HEMK2: variants seen among roughly 807,000 people sequenced by gnomAD.
The protein encoded by HEMK2 is methyltransferase HEMK2.
chr21:28,808,375 T>A, the HEMK2 span, among the ~76,000 whole-genome samples: 136 of 150,670 alleles, frequency 9.0e-4, 1 homozygote, highest in Non-Finnish European at 1.4e-3. Context: ...TGCATTTCCA[T>A]ATATTTTTTA....
the HEMK2 span, among the ~76,000 whole-genome samples, chr21:28,691,072 G>T: frequency 6.6e-6 from 1 of 152,128 alleles, no homozygotes; most frequent in Non-Finnish European, 1.5e-5. Context: ...GGCACAGAAG[G>T]TCTGATTTTC....
chr21:28,691,026 G>T, the HEMK2 span, among the ~76,000 whole-genome samples: 1 of 152,122 alleles, frequency 6.6e-6, no homozygotes. Context: ...CCTTTGTCAA[G>T]GTTATAGGTG....
At chr21:28,641,373 G>T in the HEMK2 span, among the ~76,000 whole-genome samples, 4 of 152,184 alleles carry the variant, frequency 2.6e-5, no homozygotes, top group Non-Finnish European at 5.9e-5. Context: ...TGGTGACAAT[G>T]AACTTGCAGT....
chr21:28,635,415 T>C, the HEMK2 span, among the ~76,000 whole-genome samples: 2 of 152,144 alleles, frequency 1.3e-5, no homozygotes, highest in African/African-American at 4.8e-5. Context: ...CAAGTCTTCC[T>C]CATGAGATTT....
the HEMK2 span, among the ~76,000 whole-genome samples, chr21:28,673,000 G>GAGAAAGAAAGAA: frequency 6.9e-5 from 10 of 145,416 alleles, no homozygotes; most frequent in East Asian, 2.0e-4. Context: ...GAAAAAGAAA[G>GAGAAAGAAAGAA]AGAAAGAAAG....
At chr21:28,815,287 G>A in the HEMK2 span, among the ~76,000 whole-genome samples, 4 of 151,092 alleles carry the variant, frequency 2.6e-5, no homozygotes, top group East Asian at 2.0e-4. Context: ...GCTAAATGAC[G>A]AGTTAATGGG....
At chr21:28,800,075 C>T in the HEMK2 span, among the ~76,000 whole-genome samples, 2 of 152,198 alleles carry the variant, frequency 1.3e-5, no homozygotes, top group East Asian at 1.9e-4. Flanking sequence ...TATGTGCAAT[C>T]GTGCTTTCCA....
At chr21:28,667,589 T>G in the HEMK2 span, among the ~76,000 whole-genome samples, 2 of 145,026 alleles carry the variant, frequency 1.4e-5, no homozygotes, top group African/African-American at 5.2e-5. Context: ...CATTGCATCA[T>G]TGCATGCCTC....
chr21:28,789,045 T>G, the HEMK2 span, among the ~76,000 whole-genome samples: 1 of 152,008 alleles, frequency 6.6e-6, no homozygotes, highest in Admixed American at 6.6e-5. Flanking sequence ...GGGAACAAAC[T>G]CTGCTGACTC....
At chr21:28,742,317 T>C in the HEMK2 span, among the ~76,000 whole-genome samples, 2 of 152,222 alleles carry the variant, frequency 1.3e-5, no homozygotes, top group Non-Finnish European at 2.9e-5. Context: ...CAGAGCACCA[T>C]TTGTGCCTCG....
chr21:28,739,931 GAAGA>G, the HEMK2 span, among the ~76,000 whole-genome samples: 4 of 152,162 alleles, frequency 2.6e-5, no homozygotes, highest in Non-Finnish European at 5.9e-5. Context: ...TGGAGCATGA[GAAGA>G]AAGGTCTACT....
At chr21:28,685,758 A>C in the HEMK2 span, among the ~76,000 whole-genome samples, 412 of 152,332 alleles carry the variant, frequency 2.7e-3, 2 homozygotes, top group African/African-American at 9.2e-3. Context: ...TGTTGTTTTA[A>C]AGGGAGAATG....
chr21:28,806,241 A>G, the HEMK2 span, among the ~76,000 whole-genome samples: 1 of 152,212 alleles, frequency 6.6e-6, no homozygotes, highest in Admixed American at 6.5e-5. Flanking sequence ...CACGACAGAT[A>G]ATTATGGAAT....
At chr21:28,775,106 T>C in the HEMK2 span, among the ~76,000 whole-genome samples, 11 of 152,338 alleles carry the variant, frequency 7.2e-5, no homozygotes, top group East Asian at 7.7e-4. Context: ...TTTTGCATAC[T>C]TGAAGAAATG....
At chr21:28,620,660 C>CCTTTTTTTTTTTTTTTT in the HEMK2 span, among the ~76,000 whole-genome samples, 1 of 49,642 alleles carries the variant, frequency 2.0e-5, no homozygotes, top group African/African-American at 9.5e-5. Flanking sequence ...TCTCTCTTTT[C>CCTTTTTTTTTTTTTTTT]TTTTTTTTTT....
At chr21:28,800,737 C>T in the HEMK2 span, among the ~76,000 whole-genome samples, 4 of 152,070 alleles carry the variant, frequency 2.6e-5, no homozygotes, top group African/African-American at 9.7e-5. Context: ...TGTTTTTCAA[C>T]ATATAGAGAA....
the HEMK2 span, among the ~76,000 whole-genome samples, chr21:28,619,927 G>A: frequency 6.6e-6 from 1 of 152,184 alleles, no homozygotes; most frequent in Admixed American, 6.5e-5. Context: ...TCTAATGCCA[G>A]GAGATTTTGG....
the HEMK2 span, among the ~76,000 whole-genome samples, chr21:28,783,331 CCCA>C: frequency 2.6e-5 from 4 of 151,936 alleles, no homozygotes; most frequent in Admixed American, 2.6e-4. Context: ...ATTACAGGCA[CCCA>C]CCACCACACC....
the HEMK2 span, among the ~76,000 whole-genome samples, chr21:28,859,540 C>G: frequency 3.3e-5 from 5 of 152,204 alleles, no homozygotes; most frequent in Admixed American, 1.3e-4. Context: ...TACTTTTTTT[C>G]AATTCAGCCA....
Sources: allele counts gnomAD v4.1 joint callset (sites outside exome capture counted in the v4.1 genomes callset), GRCh38; gene constraint gnomAD v4.1.1; transcripts MANE v1.5; gene names NCBI Gene and HGNC (gene_info 2026-07-23, HGNC 2026-07-21).